SYNE1: variants seen among roughly 807,000 people sequenced by gnomAD.
The protein encoded by SYNE1 is nesprin-1.
Under a neutral mutation model 1,111.0 loss-of-function variants are expected in SYNE1, and 616 were observed. The observed-to-expected ratio is 0.55, with a 90% CI of 0.52 to 0.59. The LOEUF (loss-of-function observed/expected upper bound fraction) is 0.59. SYNE1 is among the 20% of genes least tolerant of loss of function. The pLI, the probability that SYNE1 is intolerant of heterozygous loss-of-function variation, is 0.00. For missense variants in SYNE1, 10,006 were observed against 10,417.0 expected, an observed-to-expected ratio of 0.96 and a Z score of 1.72; for synonymous variants, 3,855 against 3,825.8, an observed-to-expected ratio of 1.01 and a Z score of -0.28.
chr6:152,409,453 A>G (rs557602608), intron 43 of SYNE1, 106 bp downstream of exon 43: 1 of 1,448,246 alleles, frequency 6.9e-7, no homozygotes, highest in East Asian at 2.4e-5. Context: ...AGCATGAATT[A>G]CCCACATCTA....
intron 6 of SYNE1, chr6:152,511,439 G>A: frequency 2.5e-6 from 2 of 796,526 alleles, no homozygotes; most frequent in Non-Finnish European, 4.2e-6. Context: ...GTTGACTGGA[G>A]CTTAAAAGAA....
intron 127 of SYNE1, among the ~76,000 whole-genome samples, chr6:152,190,609 A>T (rs1202784019): frequency 1.3e-5 from 2 of 152,146 alleles, no homozygotes; most frequent in East Asian, 1.9e-4. Flanking sequence ...TTATTTATTT[A>T]AAAATGTATG....
At chr6:152,459,059 C>T in intron 21 of SYNE1, 129 bp from the exon 22 acceptor site, 1 of 847,638 alleles carries the variant, frequency 1.2e-6, no homozygotes, top group Middle Eastern at 3.3e-4. Context: ...TATCCAAAGA[C>T]ATTTCTTTAA....
At position 152,364,453 on chromosome 6, in the gene SYNE1, CTT is replaced by C. The variant is rs5880969; in HGVS notation, c.10145+392_10145+393del. Among the ~76,000 whole-genome samples the C allele has an allele frequency of 2.6e-3, 381 of 148,096 alleles. 2 individuals carry two copies. Among genetic ancestry groups the C allele is most frequent in the African/African-American group, 8.9e-3 (361 of 40,446 alleles). Reference sequence around the variant, plus strand: ...ATCCTTATATTTTTACATTATGAATCTTTTTTTTTTTGTATTTTTATGTTAGC... The same window carrying C: ...ATCCTTATATTTTTACATTATGAATCTTTTTTTTTGTATTTTTATGTTAGC... On this transcript the variant is annotated intron_variant, in intron 63 of 145. Transcript: ENST00000367255.
At chr6:152,556,543 A>G (rs543436057) in intron 3 of SYNE1, among the ~76,000 whole-genome samples, 82 of 152,122 alleles carry the variant, frequency 5.4e-4, no homozygotes, top group African/African-American at 1.9e-3. Flanking sequence ...AGCCCACCCC[A>G]CTGCCTGACT....
chr6:152,381,397 C>CTG, intron 55 of SYNE1, 35 bp from the exon 56 acceptor site: 2 of 1,603,282 alleles, frequency 1.2e-6, no homozygotes, highest in Non-Finnish European at 1.7e-6. Context: ...ACTGAAGAGC[C>CTG]TGTGAGTCAC....
intron 3 of SYNE1, among the ~76,000 whole-genome samples, chr6:152,615,055 A>G (rs1211699729): frequency 6.6e-6 from 1 of 152,174 alleles, no homozygotes; most frequent in Non-Finnish European, 1.5e-5. Flanking sequence ...GGGTGCAGCA[A>G]ACTAACATGG....
rs139089832 is a variant in SYNE1 at position 152,373,167 on chromosome 6, G to C, written c.9377C>G (p.Ser3126Cys). ...CAGGGTACTCAGAAGTTCCCCTTTAGACAGCATCATGTTTAGCTTGTGCTG... is the reference window on the plus strand; with the variant it reads ...CAGGGTACTCAGAAGTTCCCCTTTACACAGCATCATGTTTAGCTTGTGCTG... ...NGQHKLNMML[S>C]KGELLSTLLT... Residue 3126 changes from serine to cysteine, a missense_variant, in exon 59 of 146, where the codon TCT becomes TGT. Physicochemically the swap from Ser to Cys is moderately radical, Grantham distance 112. Around this residue, in one of 7 missense-constraint regions of SYNE1, gnomAD observed 4,955 missense variants for 5,017.2 expected, o/e 0.99. Coordinates refer to ENST00000367255, the MANE Select transcript of SYNE1 (RefSeq NM_182961.4). The C allele has an allele frequency of 4.3e-5, 69 of 1,613,978 alleles. No homozygotes were observed. The African/African-American group carries it at 7.5e-4, about 17-fold the overall frequency.
chr6:152,204,157 G>T (rs2076050470), intron 126 of SYNE1, among the ~76,000 whole-genome samples: 1 of 152,058 alleles, frequency 6.6e-6, no homozygotes, highest in African/African-American at 2.4e-5. Context: ...TTGAAGCCAG[G>T]AGTTCGAGAC....
At position 152,334,004 on chromosome 6, in the gene SYNE1, T is replaced by C. The variant is rs566561352; in HGVS notation, c.12794+4A>G. 1 of 1,614,156 alleles carries C rather than the reference T, an allele frequency of 6.2e-7. No homozygotes were observed. Among genetic ancestry groups the C allele is most frequent in the Non-Finnish European group, 8.5e-7 (1 of 1,180,000 alleles). Reference sequence around the variant, plus strand: ...TTGGTGACCCATGGGAGAATTTCTGTTACCTGGCCAAGTTATCCCATTCTG... The same window carrying C: ...TTGGTGACCCATGGGAGAATTTCTGCTACCTGGCCAAGTTATCCCATTCTG... On this transcript the variant is annotated splice_donor_region_variant and intron_variant, in intron 77 of 145. Coordinates refer to ENST00000367255, the MANE Select transcript of SYNE1 (RefSeq NM_182961.4).
Position 152,232,308 on chromosome 6 carries a change from G to A in SYNE1, c.20713-43C>T, listed in dbSNP as rs781540004. 8.2e-5 allele frequency: 132 copies of A among 1,608,944 alleles called. No homozygotes were observed. The South Asian group carries it at 1.4e-3, about 17-fold the overall frequency. ...AGAACCAGTCCCAAGTGTTAAAATG[G>A]AAACCCCAACTTCTGCTAACTTAAA... On this transcript the variant is annotated intron_variant, in intron 112 of 145. Coordinates refer to ENST00000367255, the MANE Select transcript of SYNE1 (RefSeq NM_182961.4).
intron 30 of SYNE1, among the ~76,000 whole-genome samples, chr6:152,443,426 G>A (rs1000530671): frequency 4.6e-5 from 7 of 151,988 alleles, no homozygotes; most frequent in Non-Finnish European, 1.0e-4. Flanking sequence ...CACCACGCTC[G>A]GCTAATTTTT....
At chr6:152,425,631 G>A in intron 38 of SYNE1, 84 bp from the exon 39 acceptor site, 1 of 1,524,428 alleles carries the variant, frequency 6.6e-7, no homozygotes, top group Non-Finnish European at 9.1e-7. Context: ...GTTGTCCAAA[G>A]GATTCGCATT....
chr6:152,144,777 C>T (rs1038845914), intron 137 of SYNE1: 3 of 153,020 alleles, frequency 2.0e-5, no homozygotes, highest in Non-Finnish European at 4.4e-5. Flanking sequence ...CTCTATTCCC[C>T]GCCGACATCC....
Position 152,628,557 on chromosome 6 carries a change from G to GA in SYNE1, c.-223-4dup. The GA allele has an allele frequency of 1.9e-6, 1 of 516,318 alleles. No individual in the cohort carries two copies. The highest frequency in any genetic ancestry group is 3.4e-6 in the Non-Finnish European group (1 of 291,082). 32.0% of individuals were successfully genotyped at this position (516,318 alleles called of 1,614,324 possible). ...TCCTCTTACATGAACTCAAGAACCT[G>GA]AAAAACAAAAAAGAAAAGGTACAAC... On this transcript the variant is annotated splice_polypyrimidine_tract_variant and splice_region_variant and intron_variant, in intron 2 of 145. Transcript: ENST00000367255.
At chr6:152,180,067 T>C in intron 129 of SYNE1, 69 bp downstream of exon 129, 1 of 1,546,102 alleles carries the variant, frequency 6.5e-7, no homozygotes, top group Non-Finnish European at 8.9e-7. Flanking sequence ...AAAGCCACCT[T>C]CTGTACCTGT....
intron 3 of SYNE1, among the ~76,000 whole-genome samples, chr6:152,577,788 T>C (rs2099504578): frequency 6.6e-6 from 1 of 152,144 alleles, no homozygotes; most frequent in South Asian, 2.1e-4. Context: ...TTGTTTTTTT[T>C]TTTAATTTAG....
chr6:152,375,494 G>GAAAAGC (rs1374753851), intron 58 of SYNE1, among the ~76,000 whole-genome samples: 2 of 152,066 alleles, frequency 1.3e-5, no homozygotes, highest in African/African-American at 4.8e-5. Flanking sequence ...ATACAGGTAC[G>GAAAAGC]AAAAGCAATT....
Position 152,258,988 on chromosome 6 carries a change from G to A in SYNE1, c.18973-2223C>T, listed in dbSNP as rs949352562. The stretch of plus-strand genomic sequence containing the variant: ...TTGAACTCCTGACCTCATGTGATCC[G>A]CCCGCCTCAGCCTCCCAAAGTGTTG... On this transcript the variant is annotated intron_variant, in intron 101 of 145. Coordinates refer to ENST00000367255, the MANE Select transcript of SYNE1 (RefSeq NM_182961.4). 4.7e-4 allele frequency among the ~76,000 whole-genome samples: 71 copies of A among 151,944 alleles called. 1 individual carries two copies. Among genetic ancestry groups the A allele is most frequent in the South Asian group, 2.1e-4 (1 of 4,800 alleles).
Sources: allele counts gnomAD v4.1 joint callset (sites outside exome capture counted in the v4.1 genomes callset), GRCh38; gene constraint gnomAD v4.1.1; regional missense constraint gnomAD v4.1.1; transcripts MANE v1.5; gene names NCBI Gene and HGNC (gene_info 2026-07-23, HGNC 2026-07-21).